Variants in SDK1 observed in about 807,000 individuals in gnomAD.
The protein encoded by SDK1 is sidekick cell adhesion molecule 1.
In SDK1, 157 loss-of-function variants were observed where a neutral mutation model predicts 245.5. The ratio of observed to expected loss-of-function variants is 0.64; its 90% CI spans 0.56 to 0.73. The LOEUF is 0.73. SDK1 is among the 30% of genes least tolerant of loss of function. The pLI is 0.00. For missense variants in SDK1, 3,583 were observed against 3,002.3 expected (o/e 1.19, Z -4.52); for synonymous variants, 1,647 against 1,278.5 (o/e 1.29, Z -6.15).
At chr7:3,334,629 C>T (rs894634484) in intron 1 of SDK1, among the ~76,000 whole-genome samples, 1 of 152,160 alleles carries the variant, frequency 6.6e-6, no homozygotes, top group African/African-American at 2.4e-5. Flanking sequence ...TCTTCACTTA[C>T]AATCCAGGGC....
Position 4,220,125 on chromosome 7 carries a change from G to A in SDK1, c.5556G>A (p.Val1852=), listed in dbSNP as rs890228301. Residue 1852 remains valine (V), a synonymous_variant, in exon 39 of 45, where the codon GTG becomes GTA. Coordinates refer to ENST00000404826, the MANE Select transcript of SDK1 (RefSeq NM_152744.4). ...LAPVQGVSKV[V]TVEVRGNWQR... ...CGGCTGCAGGGGTGAGCAAGGTGGT[G>A]ACCGTGGAAGTGAGAGGGAACTGGC... 3.7e-6 allele frequency: 6 copies of A among 1,613,992 alleles called. No homozygotes were observed. In the South Asian group the frequency reaches 4.4e-5, roughly 12 times the overall value.
chr7:3,792,498 T>G (rs1429676134), intron 4 of SDK1, among the ~76,000 whole-genome samples: 2 of 152,250 alleles, frequency 1.3e-5, no homozygotes, highest in Non-Finnish European at 2.9e-5. Flanking sequence ...AACTAACCTG[T>G]GTCATTCATG....
rs113975025 is a variant in SDK1, at chr7:3,990,812, C to G, written c.2131+3490C>G. 6.1e-3 allele frequency among the ~76,000 whole-genome samples: 924 copies of G among 152,334 alleles called. 11 individuals carry two copies. The highest frequency in any genetic ancestry group is 0.02 in the African/African-American group (848 of 41,578). On this transcript the variant is annotated intron_variant, in intron 14 of 44. Transcript: ENST00000404826. ...CCAAAACAGAGGCATTCTACCTTCC[C>G]CCGTTTCCATGAAAGAAGGCATGGC...
At chr7:3,484,909 G>A (rs1194041392) in intron 1 of SDK1, among the ~76,000 whole-genome samples, 1 of 152,192 alleles carries the variant, frequency 6.6e-6, no homozygotes, top group Non-Finnish European at 1.5e-5. Context: ...CTGTTGATGA[G>A]CATTTAGCTT....
intron 29 of SDK1, among the ~76,000 whole-genome samples, chr7:4,148,149 C>T (rs1254454696): frequency 6.6e-6 from 1 of 152,186 alleles, no homozygotes; most frequent in Non-Finnish European, 1.5e-5. Context: ...GGCCACCTCC[C>T]CTCCGGAGAC....
At chr7:3,595,150 T>G (rs950051203) in intron 1 of SDK1, among the ~76,000 whole-genome samples, 5 of 152,178 alleles carry the variant, frequency 3.3e-5, no homozygotes, top group African/African-American at 1.2e-4. Context: ...TTTTGAATCT[T>G]GCCTGAATAA....
chr7:4,184,705 T>A (rs1782781831), intron 35 of SDK1, among the ~76,000 whole-genome samples: 1 of 152,194 alleles, frequency 6.6e-6, no homozygotes, highest in African/African-American at 2.4e-5. Flanking sequence ...CACTACAAAT[T>A]GGTAAAAATA....
At chr7:3,829,611 C>T (rs539278651) in intron 5 of SDK1, among the ~76,000 whole-genome samples, 1 of 152,142 alleles carries the variant, frequency 6.6e-6, no homozygotes, top group Non-Finnish European at 1.5e-5. Flanking sequence ...ACAACATATA[C>T]CATGGAGGCT....
chr7:4,067,289 A>C (rs1779967970), intron 19 of SDK1, among the ~76,000 whole-genome samples: 1 of 152,164 alleles, frequency 6.6e-6, no homozygotes, highest in Non-Finnish European at 1.5e-5. Context: ...CTCCTGGGAA[A>C]GGAATTTGTT....
At chr7:3,576,679 T>G in intron 1 of SDK1, among the ~76,000 whole-genome samples, 1 of 152,074 alleles carries the variant, frequency 6.6e-6, no homozygotes, top group East Asian at 1.9e-4. Flanking sequence ...ATGTGACTTA[T>G]GCATGGTGTG....
At chr7:4,041,614 T>C (rs1236840139) in intron 17 of SDK1, among the ~76,000 whole-genome samples, 1 of 152,116 alleles carries the variant, frequency 6.6e-6, no homozygotes, top group Non-Finnish European at 1.5e-5. Context: ...CCCTCCTGAC[T>C]GCCGACCCCC....
chr7:3,425,649 G>A (rs1779656307), intron 1 of SDK1, among the ~76,000 whole-genome samples: 1 of 152,114 alleles, frequency 6.6e-6, no homozygotes, highest in African/African-American at 2.4e-5. Flanking sequence ...GGCAGGAGAA[G>A]GAAAATGATA....
intron 2 of SDK1, among the ~76,000 whole-genome samples, chr7:3,634,090 T>C (rs1433994795): frequency 1.3e-5 from 2 of 152,170 alleles, no homozygotes; most frequent in Non-Finnish European, 2.9e-5. Context: ...GGCCATGCTG[T>C]GTCTCAGAGC....
intron 5 of SDK1, among the ~76,000 whole-genome samples, chr7:3,884,855 G>C (rs560953375): frequency 1.3e-5 from 2 of 152,352 alleles, no homozygotes; most frequent in East Asian, 3.9e-4. Flanking sequence ...ATTAGCTGAT[G>C]GGGCCTTCTC....
At chr7:4,083,733 C>CCTCCCTGCTTT (rs1562785176) in intron 22 of SDK1, among the ~76,000 whole-genome samples, 1 of 8,572 alleles carries the variant, frequency 1.2e-4, no homozygotes, top group Non-Finnish European at 2.2e-4. Flanking sequence ...TTACTTCCTC[C>CCTCCCTGCTTT]ATCCCTCCCT....
At chr7:4,180,126 C>T (rs1021367490) in intron 35 of SDK1, among the ~76,000 whole-genome samples, 1 of 152,078 alleles carries the variant, frequency 6.6e-6, no homozygotes, top group Middle Eastern at 3.2e-3. Context: ...GCCAGCCAAG[C>T]GGCAACAGGA....
Position 4,237,719 on chromosome 7 carries a change from T to C in SDK1, c.6065T>C (p.Ile2022Thr). The C allele has an allele frequency of 6.2e-7, 1 of 1,614,150 alleles. No individual in the cohort carries two copies. The highest frequency in any genetic ancestry group is 8.5e-7 in the Non-Finnish European group (1 of 1,180,022). ...ATGGCTCTGTCCAGCCTGATCGTCA[T>C]CCTGCTGGTGGTGTTCGCCCTCGTC... ...LVMALSSLIVILLVVFALVLH... is the reference protein window; with the variant it reads ...LVMALSSLIVTLLVVFALVLH... Residue 2022 changes from isoleucine (I) to threonine (T), a missense_variant, in exon 42 of 45, where the codon ATC becomes ACC. By Grantham distance (89) the Ile-to-Thr change is moderately conservative (BLOSUM62 -1). Transcript: ENST00000404826.
intron 4 of SDK1, among the ~76,000 whole-genome samples, chr7:3,696,488 C>T (rs1223611027): frequency 1.3e-5 from 2 of 152,068 alleles, no homozygotes; most frequent in African/African-American, 4.8e-5. Flanking sequence ...ATATAATCCT[C>T]ATCTGAGCCC....
chr7:4,117,845 C>A (rs554603852), intron 25 of SDK1, among the ~76,000 whole-genome samples: 1 of 152,268 alleles, frequency 6.6e-6, no homozygotes, highest in East Asian at 1.9e-4. Context: ...TGAGACACGG[C>A]TCTTGAAGGC....
Sources: gnomAD v4.1 joint callset for allele counts (sites outside exome capture counted in the v4.1 genomes callset) on GRCh38, gnomAD v4.1.1 for gene constraint, MANE v1.5 for transcripts, NCBI Gene and HGNC (gene_info 2026-07-23, HGNC 2026-07-21) for gene names.